SH2D4A: variants seen among roughly 807,000 people sequenced by gnomAD.
The protein encoded by SH2D4A is SH2 domain containing 4A, also known as SH2 domain-containing protein 4A.
In SH2D4A, 70 loss-of-function variants were observed where a neutral mutation model predicts 64.7. The ratio of observed to expected loss-of-function variants is 1.08; its 90% CI spans 0.89 to 1.32. SH2D4A has a LOEUF of 1.32. Ranked by LOEUF, SH2D4A falls within the 40% of genes most tolerant of loss-of-function variation. The pLI is 0.00. For synonymous variants in SH2D4A, 268 were observed against 200.7 expected (o/e 1.34, Z -2.83); for missense variants, 706 against 540.1 (o/e 1.31, Z -3.04).
In SH2D4A at chr8:19,354,600, A is replaced by G. The variant is rs552934917; in HGVS notation, c.514-2603A>G. Among the ~76,000 whole-genome samples, 5 of 152,358 alleles carry G rather than the reference A, an allele frequency of 3.3e-5. No individual in the cohort carries two copies. In the East Asian group the frequency reaches 5.8e-4, roughly 18 times the overall value. On this transcript the variant is annotated intron_variant, in intron 4 of 9. Coordinates refer to ENST00000265807, the MANE Select transcript of SH2D4A (RefSeq NM_022071.4). ...AAGTACTAGTAAGAAAAGGTATACA[A>G]TGATGATAGGAAAAAATGTAAGATA...
rs371598366 is a variant in SH2D4A at position 19,393,413 on chromosome 8, G to A, written c.1144G>A (p.Ala382Thr). Residue 382 changes from alanine (A) to threonine (T), a missense_variant, in exon 9 of 10, where the codon GCC (alanine) becomes ACC (threonine). By Grantham distance (58) the Ala-to-Thr change is moderately conservative (BLOSUM62 0). Transcript: ENST00000265807. ...AGTCAGTGAAAGGATCAAAGGCTAT[G>A]CCCTGTCCTATCTGTCGGAGGACGG... Reference protein sequence around the residue: ...IRVSERIKGYALSYLSEDGCK... With the variant: ...IRVSERIKGYTLSYLSEDGCK... 17 of 1,614,058 alleles carry A rather than the reference G, an allele frequency of 1.1e-5. No homozygotes were observed. Among genetic ancestry groups the A allele is most frequent in the Non-Finnish European group, 1.4e-5 (17 of 1,180,012 alleles).
intron 4 of SH2D4A, among the ~76,000 whole-genome samples, chr8:19,336,348 A>G (rs2052445864): frequency 6.6e-6 from 1 of 152,188 alleles, no homozygotes; most frequent in South Asian, 2.1e-4. Flanking sequence ...ATGAGGCTCA[A>G]AATATTTAGG....
intron 8 of SH2D4A, among the ~76,000 whole-genome samples, chr8:19,381,237 A>G (rs2053288302): frequency 1.3e-5 from 2 of 152,106 alleles, no homozygotes; most frequent in South Asian, 4.1e-4. Context: ...TTTAGTAGAG[A>G]CAGGATTTCA....
At chr8:19,337,829 T>G (rs1477101342) in intron 4 of SH2D4A, among the ~76,000 whole-genome samples, 1 of 152,170 alleles carries the variant, frequency 6.6e-6, no homozygotes, top group African/African-American at 2.4e-5. Context: ...TCCCACCAGG[T>G]TCCTCCCACA....
At chr8:19,350,086 C>A (rs1233262409) in intron 4 of SH2D4A, among the ~76,000 whole-genome samples, 8 of 152,154 alleles carry the variant, frequency 5.3e-5, no homozygotes, top group Admixed American at 2.0e-4. Flanking sequence ...TTTTTTTAAT[C>A]ATGTTTTTAA....
intron 8 of SH2D4A, among the ~76,000 whole-genome samples, chr8:19,391,364 T>G (rs1202893607): frequency 6.6e-6 from 1 of 152,146 alleles, no homozygotes; most frequent in Non-Finnish European, 1.5e-5. Flanking sequence ...AGGCTTTCTG[T>G]GTCCATGGTA....
At chr8:19,381,826 A>G (rs2053297979) in intron 8 of SH2D4A, among the ~76,000 whole-genome samples, 1 of 151,660 alleles carries the variant, frequency 6.6e-6, no homozygotes, top group Admixed American at 6.6e-5. Flanking sequence ...TTCTCTTCCT[A>G]GTTTGCTGAG....
chr8:19,324,315 C>T (rs2052239521), intron 2 of SH2D4A, among the ~76,000 whole-genome samples: 1 of 152,232 alleles, frequency 6.6e-6, no homozygotes, highest in Non-Finnish European at 1.5e-5. Context: ...TCTGTGTGCC[C>T]TTGAAACAGA....
chr8:19,383,545 G>A (rs1282957741), intron 8 of SH2D4A, among the ~76,000 whole-genome samples: 5 of 151,786 alleles, frequency 3.3e-5, no homozygotes, highest in Admixed American at 6.6e-5. Context: ...ATTTTCATGC[G>A]TTGTGACTTT....
At chr8:19,348,450 C>A (rs546011137) in intron 4 of SH2D4A, among the ~76,000 whole-genome samples, 1 of 152,116 alleles carries the variant, frequency 6.6e-6, no homozygotes, top group Non-Finnish European at 1.5e-5. Flanking sequence ...AAGTAGCAAC[C>A]TGTAAAATGA....
intron 8 of SH2D4A, among the ~76,000 whole-genome samples, chr8:19,389,043 G>A (rs375871454): frequency 6.6e-6 from 1 of 152,314 alleles, no homozygotes; most frequent in East Asian, 1.9e-4. Flanking sequence ...GGAGGTGGGA[G>A]CAGGTGCTCA....
intron 5 of SH2D4A, 21 bp from the exon 6 acceptor site, chr8:19,361,182 T>G (rs753858743): frequency 2.7e-5 from 38 of 1,401,984 alleles, no homozygotes; most frequent in African/African-American, 2.7e-4. Flanking sequence ...TTTTGTTTTT[T>G]TTTGTTTTGT....
chr8:19,320,124 G>C (rs559283495), intron 2 of SH2D4A, among the ~76,000 whole-genome samples: 1 of 152,098 alleles, frequency 6.6e-6, no homozygotes, highest in East Asian at 1.9e-4. Flanking sequence ...GCATTTCTTA[G>C]ACCTCAGAGA....
chr8:19,342,021 A>T (rs1349163372), intron 4 of SH2D4A, among the ~76,000 whole-genome samples: 2 of 152,176 alleles, frequency 1.3e-5, no homozygotes, highest in Non-Finnish European at 2.9e-5. Flanking sequence ...GCATTGTGGA[A>T]TCTCTTGTGG....
Position 19,319,561 on chromosome 8 carries a change from T to TA in SH2D4A, c.15dup (p.Leu6ThrfsTer9). 1 of 1,550,994 alleles carries TA rather than the reference T, an allele frequency of 6.4e-7. No homozygotes were observed. The highest frequency in any genetic ancestry group is 8.7e-7 in the Non-Finnish European group (1 of 1,152,242). On this transcript the variant is annotated frameshift_variant, in exon 2 of 10. Transcript: ENST00000265807. LOFTEE classifies it high-confidence loss of function. ...AGAAGTGCAAAGATGCTGAAACAGA[T>TA]ACTGTCGGAGATGTACATAGATCCT...
intron 2 of SH2D4A, among the ~76,000 whole-genome samples, chr8:19,329,766 T>C (rs1380323182): frequency 6.6e-6 from 1 of 152,170 alleles, no homozygotes; most frequent in Non-Finnish European, 1.5e-5. Flanking sequence ...TCTTTCTTAC[T>C]CTCCCTTTGC....
intron 6 of SH2D4A, 55 bp downstream of exon 6, chr8:19,361,369 C>T (rs939292814): frequency 6.6e-7 from 1 of 1,516,902 alleles, no homozygotes; most frequent in Non-Finnish European, 8.8e-7. Context: ...GATTCTCTCC[C>T]TTAATAATGT....
At chr8:19,321,141 A>ATTATATGT (rs2052183488) in intron 2 of SH2D4A, among the ~76,000 whole-genome samples, 1 of 152,240 alleles carries the variant, frequency 6.6e-6, no homozygotes, top group African/African-American at 2.4e-5. Context: ...TAACCTTCAC[A>ATTATATGT]AAACTTCTGC....
chr8:19,364,754 T>C (rs1010556584), intron 7 of SH2D4A, among the ~76,000 whole-genome samples: 2 of 152,184 alleles, frequency 1.3e-5, no homozygotes, highest in Admixed American at 6.5e-5. Context: ...CTGCCAAGGA[T>C]TAAAGGTTTG....
Sources: allele counts gnomAD v4.1 joint callset (sites outside exome capture counted in the v4.1 genomes callset), GRCh38; gene constraint gnomAD v4.1.1; transcripts MANE v1.5; gene names NCBI Gene and HGNC (gene_info 2026-07-23, HGNC 2026-07-21).